The following EIF4G2 variants were observed in gnomAD, a reference collection of about 807,000 sequenced individuals.
EIF4G2 encodes the protein eukaryotic translation initiation factor 4 gamma 2, also known as DAP-5.
In EIF4G2, 8 loss-of-function variants were observed where a neutral mutation model predicts 117.7. The ratio of observed to expected loss-of-function variants is 0.07; its 90% confidence interval spans 0.04 to 0.12. EIF4G2 has a LOEUF of 0.12. EIF4G2 is among the 10% of genes least tolerant of loss of function. The pLI is 1.00. For synonymous variants in EIF4G2, 413 were observed against 367.8 expected (o/e 1.12, Z -1.41); for missense variants, 812 against 1,086.2 (o/e 0.75, Z 3.55).
intron 12 of EIF4G2, 27 bp from the exon 13 acceptor site, chr11:10,802,236 C>A (rs527759021): frequency 6.2e-7 from 1 of 1,611,912 alleles, no homozygotes; most frequent in African/African-American, 1.3e-5. Flanking sequence ...GGACAACTCT[C>A]AAAACTAAAG....
At chr11:10,806,068 A>G in intron 3 of EIF4G2, 21 bp from the exon 4 acceptor site, 2 of 1,614,124 alleles carry the variant, frequency 1.2e-6, no homozygotes, top group East Asian at 2.2e-5. Flanking sequence ...AAAATCAGCA[A>G]AAACACTTAT....
chr11:10,807,312 C>G lies in EIF4G2; in HGVS notation c.-17G>C. ...ACTCTCCACTTTGGCGGCTTGACAA[C>G]GAAGAATCTTCAAAAGAATAATATT... On this transcript the variant is annotated 5_prime_UTR_variant, in exon 2 of 22. Transcript: ENST00000339995. The G allele has an allele frequency of 6.2e-7, 1 of 1,612,754 alleles. No individual in the cohort carries two copies. Among genetic ancestry groups the G allele is most frequent in the Non-Finnish European group, 8.5e-7 (1 of 1,179,638 alleles).
Position 10,801,781 on chromosome 11 carries a change from C to T in EIF4G2, c.1300-7G>A, listed in dbSNP as rs778266008. ...GGTAGAGCTGGCTTAGCCCCTATTT[C>T]AGAAAAGGAGAAAGAAAGTCTAGAT... On this transcript the variant is annotated splice_polypyrimidine_tract_variant and splice_region_variant and intron_variant, in intron 13 of 21. Coordinates refer to ENST00000339995, the MANE Select transcript of EIF4G2 (RefSeq NM_001418.4). The T allele has an allele frequency of 6.8e-6, 11 of 1,611,524 alleles. No homozygotes were observed. The highest frequency in any genetic ancestry group is 9.3e-6 in the Non-Finnish European group (11 of 1,179,078).
intron 5 of EIF4G2, 69 bp downstream of exon 5, chr11:10,804,844 A>G: frequency 7.3e-7 from 1 of 1,375,072 alleles, no homozygotes; most frequent in South Asian, 1.2e-5. Flanking sequence ...CCAAGTGTAA[A>G]AAAACACAAC....
chr11:10,808,453 C>A, intron 1 of EIF4G2: 5 of 1,261,776 alleles, frequency 4.0e-6, no homozygotes, highest in Non-Finnish European at 5.1e-6. Context: ...TCCCTGCAGG[C>A]GTCGGCCATC....
intron 21 of EIF4G2, 138 bp from the exon 22 acceptor site, chr11:10,798,019 A>G: frequency 1.4e-6 from 1 of 734,650 alleles, no homozygotes; most frequent in Non-Finnish European, 2.3e-6. Context: ...TAAGTTAACG[A>G]ACAGTGGTAT....
chr11:10,804,420 T>C lies in EIF4G2; in HGVS notation c.352-2A>G. 6.4e-7 allele frequency: 1 copy of C among 1,574,024 alleles called. No homozygotes were observed. On this transcript the variant is annotated splice_acceptor_variant, in intron 5 of 21. Coordinates refer to ENST00000339995, the MANE Select transcript of EIF4G2 (RefSeq NM_001418.4). LOFTEE classifies it high-confidence loss of function. Reference sequence around the variant, plus strand: ...CTCTTCTAGGGCTTTGTCCACAATCTACAGAAAATGTCATTGCTTAAACTA... The same window carrying C: ...CTCTTCTAGGGCTTTGTCCACAATCCACAGAAAATGTCATTGCTTAAACTA...
At chr11:10,804,512 C>T (rs974618874) in intron 5 of EIF4G2, 94 bp from the exon 6 acceptor site, 4 of 1,450,834 alleles carry the variant, frequency 2.8e-6, no homozygotes, top group Non-Finnish European at 2.8e-6. Flanking sequence ...TTAGCTATTA[C>T]AGTCTACCAA....
At chr11:10,801,948 G>A (rs1261893851) in intron 13 of EIF4G2, 101 bp downstream of exon 13, 1 of 488,530 alleles carries the variant, frequency 2.0e-6, no homozygotes, top group Non-Finnish European at 2.4e-6. Flanking sequence ...AAAGTGATGT[G>A]ATTTTACTAA....
At chr11:10,802,936 G>A in intron 11 of EIF4G2, 94 bp downstream of exon 11, 5 of 1,019,532 alleles carry the variant, frequency 4.9e-6, no homozygotes, top group Non-Finnish European at 7.3e-6. Context: ...AGATGAGACA[G>A]ACCCCTCAAG....
At chr11:10,798,912 C>G in intron 21 of EIF4G2, 80 bp downstream of exon 21, 1 of 1,517,362 alleles carries the variant, frequency 6.6e-7, no homozygotes, top group Non-Finnish European at 8.9e-7. Context: ...GCCTGTATTT[C>G]AGTTGAAAAA....
chr11:10,801,986 T>C (rs1450501266), intron 13 of EIF4G2, 63 bp downstream of exon 13: 13 of 39,942 alleles, frequency 3.3e-4, no homozygotes, highest in Non-Finnish European at 5.2e-4. Context: ...GGATAAACAT[T>C]TCAGTTTGAA....
At chr11:10,804,529 C>G (rs1847506090) in intron 5 of EIF4G2, 111 bp from the exon 6 acceptor site, 1 of 1,361,784 alleles carries the variant, frequency 7.3e-7, no homozygotes, top group Non-Finnish European at 9.8e-7. Flanking sequence ...CCAAAAATGT[C>G]CAGTTATACA....
Position 10,801,101 on chromosome 11 carries a change from C to A in EIF4G2, c.1414-14G>T. The A allele has an allele frequency of 6.2e-7, 1 of 1,613,470 alleles. No individual in the cohort carries two copies. Among genetic ancestry groups the A allele is most frequent in the Non-Finnish European group, 8.5e-7 (1 of 1,179,788 alleles). ...CCTCAGGCTAATCTGGAATTGAAAA[C>A]AAAATATATCTAAATTAACAACATG... On this transcript the variant is annotated splice_polypyrimidine_tract_variant and intron_variant, in intron 14 of 21. Coordinates refer to ENST00000339995, the MANE Select transcript of EIF4G2 (RefSeq NM_001418.4).
chr11:10,800,621 A>G lies in EIF4G2; in HGVS notation c.1671T>C (p.Asn557=). 1 of 1,614,166 alleles carries G rather than the reference A, an allele frequency of 6.2e-7. No homozygotes were observed. Among genetic ancestry groups the G allele is most frequent in the Non-Finnish European group, 8.5e-7 (1 of 1,180,030 alleles). ...TGACAGCCTCATTTGCATTTCCACT[A>G]TTTAGATATTCAGTCACAACAGTTT... Residue 557 remains asparagine, a synonymous_variant, in exon 17 of 22, where the codon AAT becomes AAC. Coordinates refer to ENST00000339995, the MANE Select transcript of EIF4G2 (RefSeq NM_001418.4).
chr11:10,801,401 C>T (rs2135409741), intron 14 of EIF4G2: 1 of 644,252 alleles, frequency 1.6e-6, no homozygotes, highest in East Asian at 2.8e-5. Flanking sequence ...TTAAATCACC[C>T]TTACAAAGAA....
At chr11:10,799,152 A>G (rs1847347794) in intron 20 of EIF4G2, 39 bp from the exon 21 acceptor site, 6 of 1,596,288 alleles carry the variant, frequency 3.8e-6, no homozygotes, top group Non-Finnish European at 5.1e-6. Context: ...TAATAAGCCC[A>G]TTATTTAGTG....
intron 11 of EIF4G2, 57 bp from the exon 12 acceptor site, chr11:10,802,492 C>A: frequency 6.8e-7 from 1 of 1,479,102 alleles, no homozygotes; most frequent in Admixed American, 2.5e-5. Context: ...TCACTTAAAA[C>A]TAAAATTCTT....
rs1847424230 is a variant in EIF4G2, at chr11:10,801,763, C to G, written c.1311G>C (p.Gln437His). 6.2e-7 allele frequency: 1 copy of G among 1,613,772 alleles called. No homozygotes were observed. Among genetic ancestry groups the G allele is most frequent in the African/African-American group, 1.3e-5 (1 of 74,910 alleles). The change falls in exon 14 of 22, where the codon CAG (glutamine) becomes CAC (histidine). Residue 437 changes from glutamine (Q) to histidine (H), a missense_variant. Around this residue, in one of 4 missense-constraint regions of EIF4G2, gnomAD observed 571 missense variants for 642.3 expected, o/e 0.89. Coordinates refer to ENST00000339995, the MANE Select transcript of EIF4G2 (RefSeq NM_001418.4). Reference sequence around the variant, plus strand: ...GTCCCTGACTCTGGTTATGGTAGAGCTGGCTTAGCCCCTATTTCAGAAAAG... The same window carrying G: ...GTCCCTGACTCTGGTTATGGTAGAGGTGGCTTAGCCCCTATTTCAGAAAAG...
Sources: allele counts gnomAD v4.1 joint callset, GRCh38; gene constraint gnomAD v4.1.1; regional missense constraint gnomAD v4.1.1; transcripts MANE v1.5; gene names NCBI Gene and HGNC (gene_info 2026-07-23, HGNC 2026-07-21).